The following TTC17 variants were observed in gnomAD, a reference collection of about 807,000 sequenced individuals.
TTC17 encodes the protein tetratricopeptide repeat protein 17.
In TTC17, 58 loss-of-function variants were observed where a neutral mutation model predicts 143.8. The ratio of observed to expected loss-of-function variants is 0.40; its 90% CI spans 0.33 to 0.50. The LOEUF (loss-of-function observed/expected upper bound fraction) is 0.50. Ranked by LOEUF, TTC17 falls within the 20% of genes least tolerant of loss-of-function variation. The probability of loss-of-function intolerance (pLI) is 0.49; values close to 1 mark genes in which losing one functional copy is unlikely to be tolerated. For synonymous variants in TTC17, 501 were observed against 497.8 expected, an observed-to-expected ratio of 1.01 and a Z score of -0.09; for missense variants, 1,273 against 1,392.5, an observed-to-expected ratio of 0.91 and a Z score of 1.37.
chr11:43,412,442 A>G (rs906145373), intron 15 of TTC17, among the ~76,000 whole-genome samples: 1 of 152,170 alleles, frequency 6.6e-6, no homozygotes, highest in Non-Finnish European at 1.5e-5. Flanking sequence ...GGGCAACAGA[A>G]TGAGACCTTG....
At chr11:43,423,890 A>G (rs925469296) in intron 16 of TTC17, among the ~76,000 whole-genome samples, 4 of 152,166 alleles carry the variant, frequency 2.6e-5, no homozygotes. Flanking sequence ...CTATAAAATG[A>G]GGAAATAGCT....
At chr11:43,388,268 C>G (rs1318774197) in intron 2 of TTC17, among the ~76,000 whole-genome samples, 1 of 151,956 alleles carries the variant, frequency 6.6e-6, no homozygotes, top group African/African-American at 2.4e-5. Flanking sequence ...GTAGATAAAT[C>G]TCAAAAACAT....
chr11:43,368,314 A>G (rs901278360), intron 1 of TTC17, among the ~76,000 whole-genome samples: 3 of 152,148 alleles, frequency 2.0e-5, no homozygotes, highest in Non-Finnish European at 4.4e-5. Context: ...TCAGACTCAT[A>G]TATCCAACTG....
intron 12 of TTC17, 41 bp from the exon 13 acceptor site, chr11:43,405,745 A>G: frequency 6.2e-7 from 1 of 1,612,302 alleles, no homozygotes; most frequent in African/African-American, 1.3e-5. Flanking sequence ...AAGTCACCCA[A>G]ACTTTGAAAA....
intron 15 of TTC17, among the ~76,000 whole-genome samples, chr11:43,412,839 G>A (rs1424794375): frequency 1.3e-5 from 2 of 152,170 alleles, no homozygotes; most frequent in Non-Finnish European, 2.9e-5. Flanking sequence ...CATTGAGAGA[G>A]TCAATATTGT....
intron 21 of TTC17, among the ~76,000 whole-genome samples, chr11:43,453,182 G>C (rs1043753145): frequency 1.4e-5 from 1 of 73,946 alleles, no homozygotes; most frequent in Non-Finnish European, 2.9e-5. Context: ...ACGAAAATAA[G>C]AGAGTTAAAG....
chr11:43,384,727 G>A (rs1857108549), intron 2 of TTC17, among the ~76,000 whole-genome samples: 1 of 152,150 alleles, frequency 6.6e-6, no homozygotes, highest in African/African-American at 2.4e-5. Flanking sequence ...CTACTTCTCA[G>A]GGCTATTTCA....
intron 21 of TTC17, among the ~76,000 whole-genome samples, chr11:43,487,723 A>C (rs1948405236): frequency 2.0e-5 from 3 of 152,226 alleles, no homozygotes; most frequent in Non-Finnish European, 4.4e-5. Flanking sequence ...TGCCACAGAC[A>C]GGGTGGCTTA....
chr11:43,448,915 T>C (rs924657751), intron 19 of TTC17: 1 of 152,236 alleles, frequency 6.6e-6, no homozygotes, highest in Non-Finnish European at 1.5e-5. Flanking sequence ...CTGGGAGTTA[T>C]CCTTAATGAT....
intron 21 of TTC17, among the ~76,000 whole-genome samples, chr11:43,460,520 T>G (rs546914220): frequency 9.2e-5 from 14 of 152,210 alleles, no homozygotes; most frequent in Non-Finnish European, 2.1e-4. Context: ...GCTACATGTC[T>G]TAAGTTTCTG....
chr11:43,368,807 G>A (rs1378634553), intron 1 of TTC17, among the ~76,000 whole-genome samples: 1 of 152,174 alleles, frequency 6.6e-6, no homozygotes, highest in African/African-American at 2.4e-5. Flanking sequence ...TGGCCTACAA[G>A]GTCCTGTAAG....
At chr11:43,493,218 G>A (rs1419872565) in intron 23 of TTC17, among the ~76,000 whole-genome samples, 1 of 152,178 alleles carries the variant, frequency 6.6e-6, no homozygotes, top group Non-Finnish European at 1.5e-5. Context: ...ATATGGCAGG[G>A]ATCATTTCCC....
At chr11:43,383,121 T>A (rs1857036140) in intron 2 of TTC17, among the ~76,000 whole-genome samples, 3 of 152,072 alleles carry the variant, frequency 2.0e-5, no homozygotes, top group Admixed American at 2.0e-4. Flanking sequence ...GGTTTCAAAC[T>A]CCTGGGCTCA....
intron 16 of TTC17, among the ~76,000 whole-genome samples, chr11:43,416,203 C>CG (rs1300891458): frequency 3.3e-5 from 5 of 152,056 alleles, no homozygotes; most frequent in Admixed American, 3.3e-4. Flanking sequence ...TGCATCTTCT[C>CG]GCAACACTGT....
intron 5 of TTC17, chr11:43,396,504 C>T (rs1857597645): frequency 2.9e-6 from 1 of 345,672 alleles, no homozygotes; most frequent in Non-Finnish European, 5.2e-6. Flanking sequence ...CCCTAATGCA[C>T]GTGCTCAGCT....
intron 8 of TTC17, among the ~76,000 whole-genome samples, chr11:43,398,361 T>C (rs1178578441): frequency 6.6e-6 from 1 of 152,226 alleles, no homozygotes; most frequent in Non-Finnish European, 1.5e-5. Context: ...GTCACTTAAA[T>C]GTTTACAATT....
At chr11:43,401,980 A>AAAATAAATAAAT (rs35991566) in intron 10 of TTC17, among the ~76,000 whole-genome samples, 58 of 140,438 alleles carry the variant, frequency 4.1e-4, no homozygotes, top group Middle Eastern at 3.6e-3. Context: ...TGTGTCTCAA[A>AAAATAAATAAAT]AAATAAATAA....
chr11:43,414,694 A>G lies in TTC17; in HGVS notation c.2169A>G (p.Pro723=), dbSNP rs200629168. Residue 723 remains proline, a synonymous_variant, in exon 16 of 24, where the codon CCA becomes CCG. Transcript: ENST00000039989. ...CCTTGAAATTAACCACCAAATGTCC[A>G]GAGTGTGAAAACAGCCTGAAGTTGA... is the stretch of plus-strand genomic sequence containing the variant. ...RQALKLTTKC[P]ECENSLKLIR... is the part of the protein sequence containing the mutation. 6.2e-7 allele frequency: 1 copy of G among 1,613,834 alleles called. No individual in the cohort carries two copies. The highest frequency in any genetic ancestry group is 1.3e-5 in the African/African-American group (1 of 75,024).
intron 16 of TTC17, among the ~76,000 whole-genome samples, chr11:43,421,150 C>G (rs1332445662): frequency 6.6e-6 from 1 of 151,926 alleles, no homozygotes; most frequent in Non-Finnish European, 1.5e-5. Flanking sequence ...AGTGAGTGCT[C>G]AAGGGGTTGG....
Sources: gnomAD v4.1 joint callset for allele counts (sites outside exome capture counted in the v4.1 genomes callset) on GRCh38, gnomAD v4.1.1 for gene constraint, MANE v1.5 for transcripts, NCBI Gene and HGNC (gene_info 2026-07-23, HGNC 2026-07-21) for gene names.